The following ZSWIM5 variants were observed in gnomAD, a reference collection of about 807,000 sequenced individuals.
ZSWIM5 encodes zinc finger SWIM domain-containing protein 5.
ZSWIM5 carries 55 observed loss-of-function variants against 119.6 expected under a neutral mutation model. The observed-to-expected ratio is 0.46, with a 90% CI of 0.37 to 0.58. The LOEUF (loss-of-function observed/expected upper bound fraction) is 0.58, where lower values mean the gene tolerates loss of function less well. ZSWIM5 is among the 20% of genes least tolerant of loss of function. ZSWIM5 has a pLI of 0.00. For missense variants in ZSWIM5, 1,193 were observed against 1,512.8 expected (o/e 0.79, Z 3.51); for synonymous variants, 537 against 606.9 (o/e 0.88, Z 1.69).
rs544858319 is a variant in ZSWIM5, at chr1:45,040,556, G to T, written c.1610-18C>A. ...CACATGCTCTACCAAGTAAGAAGAA[G>T]ATATTTTGGTCTAGTTAAAATTTCA... On this transcript the variant is annotated intron_variant, in intron 6 of 13. Coordinates refer to ENST00000359600, the MANE Select transcript of ZSWIM5 (RefSeq NM_020883.2). 36 of 1,565,338 alleles carry T rather than the reference G, an allele frequency of 2.3e-5. No homozygotes were observed. In the African/African-American group the frequency reaches 4.1e-4, roughly 18 times the overall value.
intron 5 of ZSWIM5, among the ~76,000 whole-genome samples, chr1:45,050,074 CCAG>C (rs1645080473): frequency 6.6e-6 from 1 of 152,136 alleles, no homozygotes; most frequent in African/African-American, 2.4e-5. Context: ...AAAGGAACTG[CCAG>C]GCGCAGTGGC....
At chr1:45,127,141 G>C (rs983594353) in intron 1 of ZSWIM5, among the ~76,000 whole-genome samples, 1 of 152,006 alleles carries the variant, frequency 6.6e-6, no homozygotes, top group African/African-American at 2.4e-5. Context: ...AGAAGTCAAC[G>C]ATATATAAAA....
chr1:45,156,701 G>A (rs1645828825), intron 1 of ZSWIM5, among the ~76,000 whole-genome samples: 1 of 149,430 alleles, frequency 6.7e-6, no homozygotes, highest in African/African-American at 2.5e-5. Context: ...TACTGCATAT[G>A]TCGGGGTAGT....
intron 1 of ZSWIM5, among the ~76,000 whole-genome samples, chr1:45,114,531 GGA>G (rs1645536138): frequency 6.6e-6 from 1 of 151,970 alleles, no homozygotes; most frequent in South Asian, 2.1e-4. Flanking sequence ...CTATTTTAGT[GGA>G]GACTTCAATA....
chr1:45,200,942 C>T (rs1646154502), intron 1 of ZSWIM5, among the ~76,000 whole-genome samples: 1 of 152,114 alleles, frequency 6.6e-6, no homozygotes, highest in South Asian at 2.1e-4. Flanking sequence ...AGAACATAAC[C>T]TCAGTCCCTC....
chr1:45,159,601 T>C lies in ZSWIM5; in HGVS notation c.595+46155A>G, dbSNP rs369809685. Among the ~76,000 whole-genome samples, 5 of 152,300 alleles carry C rather than the reference T, an allele frequency of 3.3e-5. No individual in the cohort carries two copies. In the East Asian group the frequency reaches 9.6e-4, roughly 29 times the overall value. ...TGAGATATGATTATGATTCAATTTT[T>C]TTTTTCAGACTGAGTCTTACTCTGT... On this transcript the variant is annotated intron_variant, in intron 1 of 13. Coordinates refer to ENST00000359600, the MANE Select transcript of ZSWIM5 (RefSeq NM_020883.2).
chr1:45,037,373 A>G (rs920620947), intron 8 of ZSWIM5, among the ~76,000 whole-genome samples: 1 of 152,106 alleles, frequency 6.6e-6, no homozygotes, highest in Non-Finnish European at 1.5e-5. Flanking sequence ...GGCCTCCCAA[A>G]GTGCTGGGAT....
chr1:45,058,802 C>T, intron 3 of ZSWIM5, 43 bp from the exon 4 acceptor site: 1 of 1,603,872 alleles, frequency 6.2e-7, no homozygotes, highest in Non-Finnish European at 8.5e-7. Flanking sequence ...TTGTGTATCA[C>T]AAAAAAGTAG....
At chr1:45,042,237 T>C (rs1322842277) in intron 6 of ZSWIM5, among the ~76,000 whole-genome samples, 2 of 152,166 alleles carry the variant, frequency 1.3e-5, no homozygotes, top group Admixed American at 6.6e-5. Flanking sequence ...CTCCTATAAG[T>C]AGTAAATGAG....
intron 1 of ZSWIM5, among the ~76,000 whole-genome samples, chr1:45,151,975 G>A (rs948648106): frequency 1.3e-5 from 2 of 152,130 alleles, no homozygotes; most frequent in African/African-American, 4.8e-5. Context: ...GTCAGGTCTT[G>A]AGTATGCATT....
chr1:45,197,250 T>C (rs1646132179), intron 1 of ZSWIM5, among the ~76,000 whole-genome samples: 1 of 152,248 alleles, frequency 6.6e-6, no homozygotes, highest in South Asian at 2.1e-4. Flanking sequence ...CAAGCTGTTC[T>C]GTGGAATAGT....
rs1164800605 is a variant in ZSWIM5, at chr1:45,019,703, G to C, written c.2695+363C>G. Among the ~76,000 whole-genome samples, 1 of 152,172 alleles carries C rather than the reference G, an allele frequency of 6.6e-6. No individual in the cohort carries two copies. Among genetic ancestry groups the C allele is most frequent in the African/African-American group, 2.4e-5 (1 of 41,432 alleles). On this transcript the variant is annotated intron_variant, in intron 13 of 13. Coordinates refer to ENST00000359600, the MANE Select transcript of ZSWIM5 (RefSeq NM_020883.2). The surrounding 1 kb of genome is among the most constrained non-coding windows in gnomAD (Gnocchi z 5.0). ...CTTTGGGCTTTAGAAAGGGTCCTGA[G>C]CCTCTAAGTTGTCTGGAGTTTTTTA...
intron 1 of ZSWIM5, among the ~76,000 whole-genome samples, chr1:45,112,445 T>C (rs1471693422): frequency 6.6e-6 from 1 of 152,216 alleles, no homozygotes; most frequent in Admixed American, 6.5e-5. Flanking sequence ...GAGAAATCAA[T>C]GAGTTAATAT....
chr1:45,172,691 A>G (rs1490635057), intron 1 of ZSWIM5, among the ~76,000 whole-genome samples: 1 of 152,152 alleles, frequency 6.6e-6, no homozygotes, highest in Non-Finnish European at 1.5e-5. Context: ...CCCAAAAGGA[A>G]CTACAAAGAT....
intron 2 of ZSWIM5, among the ~76,000 whole-genome samples, chr1:45,073,811 A>G (rs1645239301): frequency 6.6e-6 from 1 of 151,914 alleles, no homozygotes; most frequent in South Asian, 2.1e-4. Context: ...GTCACGTTCC[A>G]GATCTTAGAG....
At chr1:45,130,365 A>AAC (rs3051045) in intron 1 of ZSWIM5, among the ~76,000 whole-genome samples, 19,862 of 149,646 alleles carry the variant, frequency 0.13, 1,574 homozygotes, top group East Asian at 0.27. Context: ...GAACACTTAA[A>AAC]ACACACACAC....
intron 1 of ZSWIM5, among the ~76,000 whole-genome samples, chr1:45,114,188 A>G (rs1307845117): frequency 6.6e-6 from 1 of 152,184 alleles, no homozygotes; most frequent in African/African-American, 2.4e-5. Context: ...CTAAATAACT[A>G]TCCTTCGGCA....
intron 11 of ZSWIM5, among the ~76,000 whole-genome samples, chr1:45,025,743 A>G (rs937675845): frequency 6.6e-6 from 1 of 152,188 alleles, no homozygotes; most frequent in Admixed American, 6.5e-5. Context: ...TACATAGTCA[A>G]TCATGTCATT....
At chr1:45,164,227 A>C (rs1464104717) in intron 1 of ZSWIM5, among the ~76,000 whole-genome samples, 1 of 152,210 alleles carries the variant, frequency 6.6e-6, no homozygotes, top group Non-Finnish European at 1.5e-5. Context: ...ACTAAGCTTC[A>C]CAGGTGAAGG....
Sources: allele counts gnomAD v4.1 joint callset (sites outside exome capture counted in the v4.1 genomes callset), GRCh38; gene constraint gnomAD v4.1.1; non-coding constraint Gnocchi (gnomAD v3.1); transcripts MANE v1.5; gene names NCBI Gene and HGNC (gene_info 2026-07-23, HGNC 2026-07-21).